Variants in CDH22 observed in about 807,000 individuals in gnomAD.
CDH22 encodes the protein cadherin-22.
CDH22 carries 30 observed loss-of-function variants against 58.4 expected under a neutral mutation model. The observed-to-expected ratio is 0.51, with a 90% CI of 0.38 to 0.70. The LOEUF (loss-of-function observed/expected upper bound fraction) is 0.70, where lower values mean the gene tolerates loss of function less well. Ranked by LOEUF, CDH22 falls within the 30% of genes least tolerant of loss-of-function variation. CDH22 has a pLI of 0.00. For synonymous variants in CDH22, 513 were observed against 558.2 expected, an observed-to-expected ratio of 0.92 and a Z score of 1.14; for missense variants, 1,014 against 1,233.9, an observed-to-expected ratio of 0.82 and a Z score of 2.67.
At chr20:46,303,035 C>T (rs536230670) in intron 1 of CDH22, among the ~76,000 whole-genome samples, 24 of 152,284 alleles carry the variant, frequency 1.6e-4, no homozygotes, top group African/African-American at 4.8e-4. Flanking sequence ...AATCTCCACG[C>T]GCCACTCCCC....
rs1448671948 is a variant in CDH22, at chr20:46,231,185, G to T, written c.551-3558C>A. Among the ~76,000 whole-genome samples the T allele has an allele frequency of 3.3e-5, 5 of 152,162 alleles. No homozygotes were observed. In the East Asian group the frequency reaches 9.6e-4, roughly 29 times the overall value. ...GCCCTTCTGCTAAGTGGTGGTTAAG[G>T]GCCTAGGTCCAGGCTGGAATGGGAA... On this transcript the variant is annotated intron_variant, in intron 3 of 11. Transcript: ENST00000537909.
chr20:46,200,902 C>A (rs1159557464), intron 7 of CDH22, among the ~76,000 whole-genome samples: 4 of 152,110 alleles, frequency 2.6e-5, no homozygotes, highest in Non-Finnish European at 5.9e-5. Context: ...ACGCGCTGGG[C>A]GAGTGCCGTG....
chr20:46,250,240 G>A (rs999183444), intron 2 of CDH22, among the ~76,000 whole-genome samples: 3 of 152,124 alleles, frequency 2.0e-5, no homozygotes, highest in South Asian at 2.1e-4. Flanking sequence ...TTAATAAACC[G>A]TTTGCAAGCA....
intron 10 of CDH22, among the ~76,000 whole-genome samples, chr20:46,186,050 C>CA (rs1390776862): frequency 6.6e-6 from 1 of 151,762 alleles, no homozygotes; most frequent in Non-Finnish European, 1.5e-5. Context: ...CCCGTCTCTA[C>CA]AAAAAATACG....
intron 1 of CDH22, among the ~76,000 whole-genome samples, chr20:46,282,880 C>T (rs2086557517): frequency 1.3e-5 from 2 of 152,178 alleles, no homozygotes; most frequent in Non-Finnish European, 2.9e-5. Flanking sequence ...TCACAAGCCT[C>T]CTTGCTGCTC....
intron 10 of CDH22, among the ~76,000 whole-genome samples, chr20:46,185,713 A>C (rs2085820358): frequency 6.6e-6 from 1 of 151,998 alleles, no homozygotes. Context: ...ACAAAAAATA[A>C]AACAATTAGC....
intron 1 of CDH22, among the ~76,000 whole-genome samples, chr20:46,257,110 C>G (rs1197867720): frequency 6.6e-6 from 1 of 151,324 alleles, no homozygotes; most frequent in East Asian, 1.9e-4. Context: ...GAGTTCAAGA[C>G]CAGCCTGGGG....
At chr20:46,194,690 C>T (rs921094363) in intron 8 of CDH22, among the ~76,000 whole-genome samples, 3 of 152,190 alleles carry the variant, frequency 2.0e-5, no homozygotes, top group Non-Finnish European at 4.4e-5. Flanking sequence ...CAGCACAATG[C>T]CTGGCATATT....
Position 46,210,419 on chromosome 20 carries a change from G to GA in CDH22, c.1173_1174insT (p.Pro392SerfsTer42). On this transcript the variant is annotated frameshift_variant, in exon 7 of 12. Transcript: ENST00000537909. LOFTEE classifies it high-confidence loss of function. The surrounding 1 kb of genome is among the most constrained non-coding windows in gnomAD (Gnocchi z 4.5). Reference sequence around the variant, plus strand: ...AGGCCGGAGGGCGGCCGGAACTCGGGGGGCTCGTCCACGTCGGTCACGGCC... The same window carrying GA: ...AGGCCGGAGGGCGGCCGGAACTCGGGAGGGCTCGTCCACGTCGGTCACGGCC... The GA allele has an allele frequency of 6.8e-7, 1 of 1,460,074 alleles. No homozygotes were observed. Among genetic ancestry groups the GA allele is most frequent in the Non-Finnish European group, 9.0e-7 (1 of 1,106,272 alleles). 90.4% of individuals were successfully genotyped at this position (1,460,074 alleles called of 1,614,324 possible).
intron 2 of CDH22, among the ~76,000 whole-genome samples, chr20:46,246,631 T>C (rs913745337): frequency 2.3e-4 from 35 of 152,126 alleles, no homozygotes; most frequent in African/African-American, 6.7e-4. Context: ...AGGAGCTGTT[T>C]GTGTGGGGCC....
chr20:46,203,476 A>G (rs1351130023), intron 7 of CDH22, among the ~76,000 whole-genome samples: 1 of 152,194 alleles, frequency 6.6e-6, no homozygotes, highest in Non-Finnish European at 1.5e-5. Context: ...ATTGTGCATT[A>G]TAGTTGAGCA....
At chr20:46,279,331 C>G (rs181629020) in intron 1 of CDH22, among the ~76,000 whole-genome samples, 1 of 152,134 alleles carries the variant, frequency 6.6e-6, no homozygotes, top group African/African-American at 2.4e-5. Context: ...GGTGTGTACA[C>G]AGATGGTCAC....
At chr20:46,195,739 T>G (rs1440263619) in intron 8 of CDH22, among the ~76,000 whole-genome samples, 1 of 151,938 alleles carries the variant, frequency 6.6e-6, no homozygotes, top group African/African-American at 2.4e-5. Context: ...TTACAAAACG[T>G]TAAAGATAAT....
Position 46,227,593 on chromosome 20 carries a change from C to A in CDH22, c.585G>T (p.Ala195=). Residue 195 remains alanine (A), a synonymous_variant, in exon 4 of 12, where the codon GCG becomes GCT. Transcript: ENST00000537909. The stretch of plus-strand genomic sequence containing the variant: ...CGCTGCTGCCGTACGTGGGGTCATC[C>A]GCATCCGAGGCCATCACCTGCATCA... The part of the protein sequence containing the change: ...TSVMQVMASD[A]DDPTYGSSAR... The A allele has an allele frequency of 2.5e-6, 4 of 1,612,984 alleles. No individual in the cohort carries two copies. The highest frequency in any genetic ancestry group is 3.4e-6 in the Non-Finnish European group (4 of 1,179,750).
At chr20:46,207,291 AAGAGGAC>A (rs1214614924) in intron 7 of CDH22, among the ~76,000 whole-genome samples, 2 of 152,292 alleles carry the variant, frequency 1.3e-5, no homozygotes, top group Non-Finnish European at 2.9e-5. Flanking sequence ...GGGGAGGAGG[AAGAGGAC>A]TGAGAGGGGG....
intron 4 of CDH22, among the ~76,000 whole-genome samples, chr20:46,225,771 T>C (rs1486146246): frequency 6.6e-6 from 1 of 152,162 alleles, no homozygotes; most frequent in African/African-American, 2.4e-5. Context: ...TTACTGGTGA[T>C]AGGGAGTGGG....
At chr20:46,296,636 G>A (rs575568827) in intron 1 of CDH22, among the ~76,000 whole-genome samples, 4 of 152,300 alleles carry the variant, frequency 2.6e-5, no homozygotes, top group South Asian at 2.1e-4. Context: ...ATGGCCTAGC[G>A]GGTATGTGTC....
intron 10 of CDH22, among the ~76,000 whole-genome samples, chr20:46,184,104 T>A (rs572384738): frequency 6.9e-4 from 81 of 116,796 alleles, no homozygotes; most frequent in Admixed American, 2.8e-3. Context: ...TCTCTCTCTC[T>A]TTTTTTTTTT....
intron 7 of CDH22, among the ~76,000 whole-genome samples, chr20:46,206,068 C>T (rs1262123682): frequency 6.6e-6 from 1 of 152,224 alleles, no homozygotes; most frequent in Non-Finnish European, 1.5e-5. Flanking sequence ...GGACCTGGAC[C>T]TGTCACTGGA....
Sources: gnomAD v4.1 joint callset for allele counts (sites outside exome capture counted in the v4.1 genomes callset) on GRCh38, gnomAD v4.1.1 for gene constraint, Gnocchi (gnomAD v3.1) non-coding constraint, MANE v1.5 for transcripts, NCBI Gene and HGNC (gene_info 2026-07-23, HGNC 2026-07-21) for gene names.